Variants in ABLIM2 observed in about 807,000 individuals in gnomAD.
ABLIM2 encodes actin binding LIM protein family member 2, also known as actin-binding LIM protein 2.
A neutral mutation model predicts 97.7 loss-of-function variants in ABLIM2; 53 were observed. The ratio of observed to expected loss-of-function variants is 0.54; its 90% CI spans 0.44 to 0.68. ABLIM2 has a LOEUF of 0.68. ABLIM2 is among the 30% of genes least tolerant of loss of function. The pLI is 0.00. For missense variants in ABLIM2, 835 were observed against 867.2 expected (o/e 0.96, Z 0.47); for synonymous variants, 361 against 345.8 (o/e 1.04, Z -0.49).
intron 12 of ABLIM2, among the ~76,000 whole-genome samples, chr4:8,026,280 G>C (rs143735503): frequency 1.6e-3 from 245 of 152,330 alleles, no homozygotes; most frequent in African/African-American, 5.2e-3. Context: ...GGGATTACAG[G>C]TATGAGCCAT....
chr4:8,057,699 C>T lies in ABLIM2; in HGVS notation c.763+3268G>A, dbSNP rs553341202. ...CAATTAGCAGGATCTAATGCCCCAC[C>T]CCATGTTTATGGGAAAGTCCGCGGC... On this transcript the variant is annotated intron_variant, in intron 7 of 20. Transcript: ENST00000447017. Among the ~76,000 whole-genome samples, 27 of 152,310 alleles carry T rather than the reference C, an allele frequency of 1.8e-4. No homozygotes were observed. In the East Asian group the frequency reaches 4.8e-3, roughly 27 times the overall value.
chr4:8,050,790 C>T (rs369682219), intron 8 of ABLIM2, among the ~76,000 whole-genome samples: 53 of 152,350 alleles, frequency 3.5e-4, no homozygotes, highest in African/African-American at 1.2e-3. Context: ...ACCATTAGGC[C>T]GGGAGCCACG....
chr4:8,118,403 C>T (rs965008224), intron 1 of ABLIM2, among the ~76,000 whole-genome samples: 7 of 152,184 alleles, frequency 4.6e-5, no homozygotes, highest in Non-Finnish European at 8.8e-5. Flanking sequence ...TGGGGTAGGT[C>T]CCTTTTCCCT....
chr4:8,053,904 A>C (rs534230933), intron 8 of ABLIM2, among the ~76,000 whole-genome samples: 1 of 151,998 alleles, frequency 6.6e-6, no homozygotes, highest in Admixed American at 6.5e-5. Flanking sequence ...GGATTTCCCC[A>C]CCTCCAGAAC....
intron 1 of ABLIM2, among the ~76,000 whole-genome samples, chr4:8,133,976 G>A (rs1849806865): frequency 6.6e-6 from 1 of 152,090 alleles, no homozygotes; most frequent in Admixed American, 6.5e-5. Context: ...GCATGAAGCT[G>A]GCAGGTTGCA....
chr4:7,969,745 A>ACACACACACACACACACACACG (rs1726190038), intron 20 of ABLIM2, among the ~76,000 whole-genome samples: 1 of 151,412 alleles, frequency 6.6e-6, no homozygotes, highest in South Asian at 2.1e-4. Context: ...ACACACACAC[A>ACACACACACACACACACACACG]CACACACACA....
intron 20 of ABLIM2, among the ~76,000 whole-genome samples, chr4:7,968,119 T>G (rs1724472659): frequency 2.0e-5 from 3 of 152,228 alleles, no homozygotes; most frequent in African/African-American, 7.2e-5. Flanking sequence ...TGCTTCCCTT[T>G]GCTCCCCTCG....
At chr4:8,055,662 G>T (rs577511397) in intron 7 of ABLIM2, among the ~76,000 whole-genome samples, 1 of 152,332 alleles carries the variant, frequency 6.6e-6, no homozygotes, top group African/African-American at 2.4e-5. Flanking sequence ...CCCATCTCCT[G>T]CCTGCAAAGC....
chr4:8,065,832 G>C (rs968832674), intron 6 of ABLIM2, among the ~76,000 whole-genome samples: 9 of 152,022 alleles, frequency 5.9e-5, no homozygotes, highest in Non-Finnish European at 1.0e-4. Context: ...GCTGAGACAG[G>C]AGAATTGCTT....
intron 2 of ABLIM2, 105 bp from the exon 3 acceptor site, chr4:8,097,387 A>G (rs1577762676): frequency 1.5e-6 from 2 of 1,345,888 alleles, no homozygotes; most frequent in East Asian, 2.6e-5. Context: ...CACCTGACAC[A>G]GGCACTGAGG....
chr4:8,008,142 T>C lies in ABLIM2; in HGVS notation c.1535A>G (p.Asp512Gly). The C allele has an allele frequency of 6.2e-7, 1 of 1,614,020 alleles. No homozygotes were observed. Among genetic ancestry groups the C allele is most frequent in the Non-Finnish European group, 8.5e-7 (1 of 1,179,890 alleles). Residue 512 changes from aspartate to glycine, a missense_variant, in exon 16 of 21, where the codon GAC becomes GGC. Transcript: ENST00000447017. ...GDADTRTNSP[D>G]LDTQSLSHSS... is the part of the protein sequence containing the mutation. ...GTGGGACAAGGACTGGGTGTCCAGG[T>C]CTGGAGAATTGGTCCTTGTGTCTGC...
chr4:8,089,346 C>A (rs1577515962), intron 3 of ABLIM2, among the ~76,000 whole-genome samples: 2 of 152,206 alleles, frequency 1.3e-5, no homozygotes, highest in African/African-American at 2.4e-5. Context: ...CCAGCAGCCA[C>A]CGGGCCACTT....
chr4:7,996,806 C>T lies in ABLIM2; in HGVS notation c.1619-3879G>A, dbSNP rs561569309. Among the ~76,000 whole-genome samples, 4 of 152,288 alleles carry T rather than the reference C, an allele frequency of 2.6e-5. No individual in the cohort carries two copies. Among genetic ancestry groups the T allele is most frequent in the East Asian group, 1.9e-4 (1 of 5,178 alleles). On this transcript the variant is annotated intron_variant, in intron 16 of 20. Coordinates refer to ENST00000447017, the MANE Select transcript of ABLIM2 (RefSeq NM_001130083.2). The surrounding 1 kb of genome is among the most constrained non-coding windows in gnomAD (Gnocchi z 4.5). ...TTCTGCTCTTTCAGCACGTGAAAGA[C>T]GTCAGGACACTTCCTGCTGGCCTCT... is the stretch of plus-strand genomic sequence containing the variant.
At chr4:8,090,798 T>C (rs1187076871) in intron 3 of ABLIM2, among the ~76,000 whole-genome samples, 1 of 31,726 alleles carries the variant, frequency 3.2e-5, no homozygotes, top group Non-Finnish European at 1.1e-4. Flanking sequence ...CTCATGCTAT[T>C]TGCCAATATC....
At chr4:7,989,343 T>C (rs1454779829) in intron 17 of ABLIM2, 4 of 935,956 alleles carry the variant, frequency 4.3e-6, no homozygotes, top group African/African-American at 1.8e-5. Context: ...CCTCGCAGAG[T>C]GCTGGGATTA....
At position 8,113,837 on chromosome 4, in the gene ABLIM2, G is replaced by A. The variant is rs1324512699; in HGVS notation, c.11-7200C>T. Among the ~76,000 whole-genome samples, 1 of 152,212 alleles carries A rather than the reference G, an allele frequency of 6.6e-6. No individual in the cohort carries two copies. Among genetic ancestry groups the A allele is most frequent in the African/African-American group, 2.4e-5 (1 of 41,464 alleles). ...CCGGCTCACCCAGAGCGGGTCACAG[G>A]ACACACAGTTCCAGCTTCCCTTTCA... On this transcript the variant is annotated intron_variant, in intron 1 of 20. Transcript: ENST00000447017. This position sits in a 1 kb window ranked among gnomAD's most constrained non-coding sequence, Gnocchi z 4.5.
rs946743346 is a variant in ABLIM2 at position 8,043,286 on chromosome 4, G to T, written c.900+1878C>A. Among the ~76,000 whole-genome samples, 2 of 152,206 alleles carry T rather than the reference G, an allele frequency of 1.3e-5. No individual in the cohort carries two copies. The highest frequency in any genetic ancestry group is 2.4e-5 in the African/African-American group (1 of 41,468). On this transcript the variant is annotated intron_variant, in intron 9 of 20. Transcript: ENST00000447017. This position sits in a 1 kb window ranked among gnomAD's most constrained non-coding sequence, Gnocchi z 4.8. ...TGTGAACTTGTCTCTCGTTATAGGA[G>T]TGTCAGCTGTGACCCTTTCAATGGG... is the stretch of plus-strand genomic sequence containing the variant.
rs180904707 is a variant in ABLIM2, at chr4:8,140,165, G to C, written c.10+18515C>G. Among the ~76,000 whole-genome samples the C allele has an allele frequency of 6.6e-6, 1 of 152,240 alleles. No individual in the cohort carries two copies. Among genetic ancestry groups the C allele is most frequent in the East Asian group, 1.9e-4 (1 of 5,190 alleles). Reference sequence around the variant, plus strand: ...AATGCACGCAGGGCTCAATACCTTGGTGTGGGTTAACAGGTGCGGCAAACC... The same window carrying C: ...AATGCACGCAGGGCTCAATACCTTGCTGTGGGTTAACAGGTGCGGCAAACC... On this transcript the variant is annotated intron_variant, in intron 1 of 20. Transcript: ENST00000447017. The surrounding 1 kb of genome is among the most constrained non-coding windows in gnomAD (Gnocchi z 5.9).
chr4:7,984,003 T>C (rs1451505122), intron 18 of ABLIM2, among the ~76,000 whole-genome samples: 3 of 152,166 alleles, frequency 2.0e-5, no homozygotes, highest in Non-Finnish European at 4.4e-5. Context: ...CTCTACATTT[T>C]CTCTTTTTCA....
Sources: gnomAD v4.1 joint callset for allele counts (sites outside exome capture counted in the v4.1 genomes callset) on GRCh38, gnomAD v4.1.1 for gene constraint, Gnocchi (gnomAD v3.1) non-coding constraint, MANE v1.5 for transcripts, NCBI Gene and HGNC (gene_info 2026-07-23, HGNC 2026-07-21) for gene names.